The following DIO2 variants were observed in gnomAD, a reference collection of about 807,000 sequenced individuals.
DIO2 encodes the protein type II iodothyronine deiodinase.
DIO2 carries 19 observed loss-of-function variants against 21.4 expected under a neutral mutation model. That is an observed-to-expected ratio of 0.89 (90% CI 0.62 to 1.30). The LOEUF (loss-of-function observed/expected upper bound fraction) is 1.30. Among genes scored for constraint, DIO2 ranks in the 50% most tolerant of loss-of-function variants. The pLI is 0.00. For synonymous variants in DIO2, 122 were observed against 132.9 expected (o/e 0.92, Z 0.57); for missense variants, 302 against 338.1 (o/e 0.89, Z 0.84).
intron 2 of DIO2, among the ~76,000 whole-genome samples, chr14:80,229,880 A>C (rs1182212992): frequency 6.6e-6 from 1 of 152,116 alleles, no homozygotes; most frequent in East Asian, 1.9e-4. Context: ...TAAATTAAAG[A>C]ACTCAAACAG....
chr14:80,204,546 G>A (rs1026057688), intron 1 of DIO2, among the ~76,000 whole-genome samples: 6 of 152,174 alleles, frequency 3.9e-5, no homozygotes, highest in African/African-American at 1.2e-4. Flanking sequence ...GAATTAATAC[G>A]ATTGGATCTT....
Position 80,201,914 on chromosome 14 carries a change from A to T in DIO2, c.*775T>A, listed in dbSNP as rs532331331. Reference sequence around the variant, plus strand: ...TGTTTCTATGTTTCCGTGGCTAACAAATGTGACCCACTCTCTACAGCTTAA... The same window carrying T: ...TGTTTCTATGTTTCCGTGGCTAACATATGTGACCCACTCTCTACAGCTTAA... On this transcript the variant is annotated 3_prime_UTR_variant, in exon 2 of 2. Coordinates refer to ENST00000438257, the MANE Select transcript of DIO2 (RefSeq NM_013989.5). The T allele has an allele frequency of 6.4e-6, 1 of 156,080 alleles. No individual in the cohort carries two copies. Among genetic ancestry groups the T allele is most frequent in the South Asian group, 2.0e-4 (1 of 5,114 alleles). The allele number at this position is 156,080 out of a possible 1,614,324, so 9.7% of individuals were successfully genotyped here. A position where few individuals can be genotyped will look rare whatever the true frequency, so the allele number is the denominator to read the frequency against.
At chr14:80,215,572 ATTCT>A (rs1888331517), upstream of DIO2, among the ~76,000 whole-genome samples, 1 of 152,222 alleles carries the variant, frequency 6.6e-6, no homozygotes, top group Admixed American at 6.5e-5. Flanking sequence ...GTGGAATTTT[ATTCT>A]TTCTAATTCC....
chr14:80,221,664 A>G (rs1888468164), intron 2 of DIO2, among the ~76,000 whole-genome samples: 1 of 152,242 alleles, frequency 6.6e-6, no homozygotes, highest in South Asian at 2.1e-4. Context: ...AAACAGAAGC[A>G]GATGATAAGA....
chr14:80,207,388 A>G (rs1887994030), intron 1 of DIO2, among the ~76,000 whole-genome samples: 1 of 152,198 alleles, frequency 6.6e-6, no homozygotes, highest in Non-Finnish European at 1.5e-5. Flanking sequence ...TACAGCATAT[A>G]CTACTAACCT....
At chr14:80,203,743 C>T (rs2139997835) in intron 1 of DIO2, among the ~76,000 whole-genome samples, 1 of 152,312 alleles carries the variant, frequency 6.6e-6, no homozygotes, top group Non-Finnish European at 1.5e-5. Flanking sequence ...TTCTGAAACA[C>T]CAGGCAGGAC....
In DIO2 at chr14:80,200,439, A is replaced by T. The variant is rs1455887125; in HGVS notation, c.*2250T>A. 1.3e-5 allele frequency: 2 copies of T among 152,608 alleles called. No homozygotes were observed. The highest frequency in any genetic ancestry group is 2.9e-5 in the Non-Finnish European group (2 of 68,036). The allele number at this position is 152,608 out of a possible 1,614,324, so 9.5% of individuals were successfully genotyped here. A position where few individuals can be genotyped will look rare whatever the true frequency, so the allele number is the denominator to read the frequency against. On this transcript the variant is annotated 3_prime_UTR_variant, in exon 2 of 2. Coordinates refer to ENST00000438257, the MANE Select transcript of DIO2 (RefSeq NM_013989.5). ...CCTAATCTCATCCCCCCACCGGCTT[A>T]TCTGACATACTGTTACTTTATCGTA... is the stretch of plus-strand genomic sequence containing the variant.
In DIO2 at chr14:80,202,803, C is replaced by T. The variant is rs755561746; in HGVS notation, c.708G>A (p.Gln236=). ...CCTTTCCTCCCAGATAAGCAATTTT[C>T]TGTCTCTGCACAATGCACACACGTT... ...AFERVCIVQR[Q]KIAYLGGKGP... is the part of the protein sequence containing the mutation. Residue 236 remains glutamine, a synonymous_variant, in exon 2 of 2, where the codon CAG becomes CAA. Coordinates refer to ENST00000438257, the MANE Select transcript of DIO2 (RefSeq NM_013989.5). 24 of 1,613,960 alleles carry T rather than the reference C, an allele frequency of 1.5e-5. No individual in the cohort carries two copies. Among genetic ancestry groups the T allele is most frequent in the Non-Finnish European group, 1.9e-5 (23 of 1,179,880 alleles).
upstream of DIO2, among the ~76,000 whole-genome samples, chr14:80,212,634 T>G (rs1031724685): frequency 6.6e-6 from 1 of 152,154 alleles, no homozygotes; most frequent in Non-Finnish European, 1.5e-5. Context: ...ATATACAATC[T>G]TTATACCTTT....
At chr14:80,206,285 T>G in intron 1 of DIO2, 1 of 1,581,146 alleles carries the variant, frequency 6.3e-7, no homozygotes, top group Non-Finnish European at 8.6e-7. Flanking sequence ...AAGCTTCATA[T>G]ACTAGTCATA....
upstream of DIO2, chr14:80,211,552 A>C (rs1888197716): frequency 7.4e-4 from 24 of 32,540 alleles, no homozygotes; most frequent in Non-Finnish European, 1.3e-3. Flanking sequence ...GTGGTGATAA[A>C]GGGGGTGGGG....
chr14:80,225,367 C>T (rs1594883573), intron 2 of DIO2, among the ~76,000 whole-genome samples: 1 of 152,264 alleles, frequency 6.6e-6, no homozygotes, highest in Admixed American at 6.5e-5. Flanking sequence ...TTCCTACAAC[C>T]AGACACACAC....
chr14:80,223,167 G>A (rs1436499375), intron 2 of DIO2, among the ~76,000 whole-genome samples: 2 of 151,870 alleles, frequency 1.3e-5, no homozygotes, highest in African/African-American at 2.4e-5. Flanking sequence ...TGTTTCTATT[G>A]GTACGTGCTT....
At chr14:80,215,432 A>T (rs759175476), upstream of DIO2, among the ~76,000 whole-genome samples, 19 of 152,200 alleles carry the variant, frequency 1.2e-4, no homozygotes, top group African/African-American at 4.6e-4. Flanking sequence ...CTGAAAGCAG[A>T]CTTGGAAATT....
At chr14:80,214,952 C>T (rs535818341), upstream of DIO2, among the ~76,000 whole-genome samples, 1 of 152,216 alleles carries the variant, frequency 6.6e-6, no homozygotes, top group Non-Finnish European at 1.5e-5. Context: ...CTATGAGAAC[C>T]AAAACCCTTG....
In DIO2 at chr14:80,211,500, T is replaced by C; in HGVS notation, c.-28A>G. 7.5e-7 allele frequency: 1 copy of C among 1,337,324 alleles called. No individual in the cohort carries two copies. Among genetic ancestry groups the C allele is most frequent in the Non-Finnish European group, 9.9e-7 (1 of 1,006,678 alleles). 82.8% of individuals were successfully genotyped at this position (1,337,324 alleles called of 1,614,324 possible). ...TCTCTGCCTCCTGAGTCAGTTCCCT[T>C]GTGCGCTCTGGTTCCCCTTCACCCT... On this transcript the variant is annotated 5_prime_UTR_variant, in exon 1 of 2. Transcript: ENST00000438257.
At chr14:80,204,209 A>T (rs184218920) in intron 1 of DIO2, among the ~76,000 whole-genome samples, 249 of 152,330 alleles carry the variant, frequency 1.6e-3, no homozygotes, top group Non-Finnish European at 1.8e-3. Flanking sequence ...CCATTTAAAA[A>T]AAAAATAAAA....
chr14:80,206,614 G>T (rs1263535257), intron 1 of DIO2, among the ~76,000 whole-genome samples: 1 of 152,072 alleles, frequency 6.6e-6, no homozygotes, highest in Non-Finnish European at 1.5e-5. Flanking sequence ...GAGCCAAAAT[G>T]ATGAAGAAAA....
intron 1 of DIO2, among the ~76,000 whole-genome samples, chr14:80,204,554 C>A (rs1245037478): frequency 6.6e-6 from 1 of 152,142 alleles, no homozygotes; most frequent in Non-Finnish European, 1.5e-5. Context: ...ACGATTGGAT[C>A]TTCCTTAGAA....
Sources: allele counts gnomAD v4.1 joint callset (sites outside exome capture counted in the v4.1 genomes callset), GRCh38; gene constraint gnomAD v4.1.1; transcripts MANE v1.5; gene names NCBI Gene and HGNC (gene_info 2026-07-23, HGNC 2026-07-21).